EYS: variants seen among roughly 807,000 people sequenced by gnomAD.
The protein encoded by EYS is protein eyes shut homolog.
A neutral mutation model predicts 282.1 loss-of-function variants in EYS; 250 were observed. The observed-to-expected ratio is 0.89, with a 90% CI of 0.80 to 0.98. The LOEUF is 0.98. Among genes scored for constraint, EYS ranks in the 50% least tolerant of loss-of-function variants. The probability of loss-of-function intolerance (pLI) is 0.00; values close to 1 mark genes in which losing one functional copy is unlikely to be tolerated. For missense variants in EYS, 4,016 were observed against 3,709.0 expected (o/e 1.08, Z -2.15); for synonymous variants, 1,355 against 1,282.9 (o/e 1.06, Z -1.20).
intron 31 of EYS, among the ~76,000 whole-genome samples, chr6:64,104,728 A>G (rs1451075760): frequency 1.3e-5 from 2 of 148,580 alleles, no homozygotes; most frequent in African/African-American, 5.0e-5. Context: ...CTCACTTATA[A>G]TATCTCTCTT....
At chr6:64,604,256 A>G (rs1006436091) in intron 24 of EYS, among the ~76,000 whole-genome samples, 1 of 151,988 alleles carries the variant, frequency 6.6e-6, no homozygotes, top group African/African-American at 2.4e-5. Context: ...CTAGGGGAGG[A>G]TGATAATCAT....
chr6:64,240,617 G>A (rs972779887), intron 30 of EYS, among the ~76,000 whole-genome samples: 13 of 152,172 alleles, frequency 8.5e-5, no homozygotes, highest in Non-Finnish European at 1.8e-4. Context: ...TTGAGACTTT[G>A]CTGAAGTTGC....
At chr6:65,548,685 C>G (rs1406673948) in intron 2 of EYS, among the ~76,000 whole-genome samples, 1 of 152,154 alleles carries the variant, frequency 6.6e-6, no homozygotes, top group Non-Finnish European at 1.5e-5. Flanking sequence ...TAAATTCATG[C>G]TTCTCCTTAT....
intron 29 of EYS, among the ~76,000 whole-genome samples, chr6:64,325,311 G>A (rs1466780416): frequency 6.6e-6 from 1 of 152,172 alleles, no homozygotes; most frequent in East Asian, 1.9e-4. Context: ...CCAGAAGAGA[G>A]ATAACAATCA....
At chr6:64,710,532 C>T (rs907661124) in intron 22 of EYS, among the ~76,000 whole-genome samples, 1 of 152,238 alleles carries the variant, frequency 6.6e-6, no homozygotes, top group African/African-American at 2.4e-5. Context: ...GAGCCGCTTG[C>T]TCTGGCCCAC....
In EYS at chr6:65,403,551, CCCAAAA is replaced by C. The variant is rs564053791; in HGVS notation, c.1057-952_1057-947del. 4.1e-3 allele frequency among the ~76,000 whole-genome samples: 619 copies of C among 151,838 alleles called. 4 individuals carry two copies. Among genetic ancestry groups the C allele is most frequent in the African/African-American group, 0.014 (586 of 41,416 alleles). On this transcript the variant is annotated intron_variant, in intron 6 of 42. Transcript: ENST00000503581. ...TCCAATCAAAATTTATTTAATTTAA[CCCAAAA>C]CTAACGTTGAAAGAGGTATATAGCT...
chr6:63,726,441 G>A lies in EYS; in HGVS notation c.8233+78C>T, dbSNP rs754244656. The A allele has an allele frequency of 3.3e-5, 41 of 1,234,840 alleles. 1 individual carries two copies. The highest frequency in any genetic ancestry group is 6.1e-5 in the Admixed American group (2 of 32,876). 76.5% of individuals were successfully genotyped at this position (1,234,840 alleles called of 1,614,324 possible). On this transcript the variant is annotated intron_variant, in intron 42 of 42. Coordinates refer to ENST00000503581, the MANE Select transcript of EYS (RefSeq NM_001142800.2). ...AAATGTTTACATATTTAAATACTAG[G>A]TGACACAAACACTATCATACATTAC... is the stretch of plus-strand genomic sequence containing the variant.
chr6:64,130,662 T>C lies in EYS; in HGVS notation c.6425-48660A>G, dbSNP rs530090521. Among the ~76,000 whole-genome samples, 14 of 151,712 alleles carry C rather than the reference T, an allele frequency of 9.2e-5. No individual in the cohort carries two copies. The South Asian group carries it at 2.7e-3, about 29-fold the overall frequency. On this transcript the variant is annotated intron_variant, in intron 31 of 42. Coordinates refer to ENST00000503581, the MANE Select transcript of EYS (RefSeq NM_001142800.2). ...AAGTTTTCAGATCCCTAGCAGTAGATGCCTTCCGAACAAAGAGGGGAGAAG... is the reference window on the plus strand; with the variant it reads ...AAGTTTTCAGATCCCTAGCAGTAGACGCCTTCCGAACAAAGAGGGGAGAAG...
intron 36 of EYS, among the ~76,000 whole-genome samples, chr6:63,818,308 C>A (rs1771234139): frequency 6.6e-6 from 1 of 152,118 alleles, no homozygotes; most frequent in Non-Finnish European, 1.5e-5. Flanking sequence ...GACAAAGTTG[C>A]AGGTGCTGAT....
rs34345454 is a variant in EYS, at chr6:65,678,816, C to CAA, written c.-448+28317_-448+28318dup. On this transcript the variant is annotated intron_variant, in intron 1 of 42. Coordinates refer to ENST00000503581, the MANE Select transcript of EYS (RefSeq NM_001142800.2). Reference sequence around the variant, plus strand: ...CAAAGGACATGAAAATATACATCTCCAAAAAAAAAAAAGACATACAAATGA... The same window carrying CAA: ...CAAAGGACATGAAAATATACATCTCCAAAAAAAAAAAAAAGACATACAAATGA... 2.7e-3 allele frequency among the ~76,000 whole-genome samples: 386 copies of CAA among 144,474 alleles called. 4 individuals are homozygous for CAA. The highest frequency in any genetic ancestry group is 0.011 in the Middle Eastern group (3 of 274). 94.8% of individuals were successfully genotyped at this position (144,474 alleles called of 152,430 possible).
At chr6:65,149,278 C>T (rs1282257163) in intron 12 of EYS, among the ~76,000 whole-genome samples, 1 of 152,058 alleles carries the variant, frequency 6.6e-6, no homozygotes, top group Non-Finnish European at 1.5e-5. Context: ...CACCAGATAT[C>T]CTAAATCATG....
intron 5 of EYS, among the ~76,000 whole-genome samples, chr6:65,459,244 G>A (rs555075624): frequency 1.3e-5 from 2 of 152,136 alleles, no homozygotes; most frequent in South Asian, 4.1e-4. Flanking sequence ...GATGTGCTGA[G>A]TGTATATGTC....
At chr6:65,087,316 T>C (rs1427731980) in intron 12 of EYS, among the ~76,000 whole-genome samples, 3 of 152,138 alleles carry the variant, frequency 2.0e-5, no homozygotes, top group Non-Finnish European at 4.4e-5. Flanking sequence ...TTTTCCATTA[T>C]TCCACCAAAA....
chr6:64,043,126 G>A (rs1422663740), intron 33 of EYS, among the ~76,000 whole-genome samples: 2 of 152,144 alleles, frequency 1.3e-5, no homozygotes, highest in East Asian at 3.9e-4. Flanking sequence ...TCCCATAAAA[G>A]TTTATGACAT....
At chr6:64,797,233 G>A (rs1774380104) in intron 22 of EYS, among the ~76,000 whole-genome samples, 2 of 151,942 alleles carry the variant, frequency 1.3e-5, no homozygotes, top group Admixed American at 1.3e-4. Context: ...AAATAAGTAT[G>A]ATAGCAAGAA....
chr6:63,832,688 A>G (rs1364968078), intron 36 of EYS, among the ~76,000 whole-genome samples: 2 of 152,206 alleles, frequency 1.3e-5, no homozygotes, highest in Admixed American at 1.3e-4. Flanking sequence ...TCAATAGAAA[A>G]AGAGGGAATA....
intron 8 of EYS, among the ~76,000 whole-genome samples, chr6:65,379,686 T>C (rs182660114): frequency 1.3e-5 from 2 of 152,176 alleles, no homozygotes; most frequent in African/African-American, 4.8e-5. Context: ...TGTGTCTGTT[T>C]GCAGAATACA....
At chr6:64,673,200 A>G (rs1769527586) in intron 22 of EYS, among the ~76,000 whole-genome samples, 1 of 152,046 alleles carries the variant, frequency 6.6e-6, no homozygotes, top group Non-Finnish European at 1.5e-5. Context: ...ATCTTGATAG[A>G]CTCTTTTAGA....
chr6:63,851,189 C>T (rs570276628), intron 36 of EYS, among the ~76,000 whole-genome samples: 1 of 152,254 alleles, frequency 6.6e-6, no homozygotes, highest in South Asian at 2.1e-4. Flanking sequence ...TCTTAGAGAC[C>T]TACAAAGAGA....
Sources: gnomAD v4.1 joint callset for allele counts (sites outside exome capture counted in the v4.1 genomes callset) on GRCh38, gnomAD v4.1.1 for gene constraint, MANE v1.5 for transcripts, NCBI Gene and HGNC (gene_info 2026-07-23, HGNC 2026-07-21) for gene names.